SNTG1: variants seen among roughly 807,000 people sequenced by gnomAD.
SNTG1 encodes syntrophin gamma 1.
A neutral mutation model predicts 74.7 loss-of-function variants in SNTG1; 39 were observed. The ratio of observed to expected loss-of-function variants is 0.52; its 90% CI spans 0.40 to 0.68. The LOEUF (loss-of-function observed/expected upper bound fraction) is 0.68, where lower values mean the gene tolerates loss of function less well. SNTG1 is among the 30% of genes least tolerant of loss of function. SNTG1 has a pLI of 0.00. For synonymous variants in SNTG1, 254 were observed against 217.1 expected (o/e 1.17, Z -1.49); for missense variants, 685 against 609.5 (o/e 1.12, Z -1.30).
At chr8:50,792,650 C>T (rs747807222) in intron 18 of SNTG1, 21 bp from the exon 19 acceptor site, 2 of 1,588,806 alleles carry the variant, frequency 1.3e-6, no homozygotes, top group South Asian at 1.2e-5. Context: ...GTTATCTGAC[C>T]TGTTTCTCTT....
intron 2 of SNTG1, among the ~76,000 whole-genome samples, chr8:50,280,374 T>C (rs1350530781): frequency 1.3e-5 from 2 of 152,184 alleles, no homozygotes; most frequent in Non-Finnish European, 2.9e-5. Context: ...CTTTTGCAAT[T>C]TAAATGTCTC....
At chr8:50,305,644 G>T (rs550659367) in intron 2 of SNTG1, among the ~76,000 whole-genome samples, 2 of 150,968 alleles carry the variant, frequency 1.3e-5, no homozygotes, top group Non-Finnish European at 3.0e-5. Context: ...CACTATATAT[G>T]TGTTAGATCA....
At chr8:50,645,797 G>T (rs949239429) in intron 13 of SNTG1, among the ~76,000 whole-genome samples, 1 of 151,864 alleles carries the variant, frequency 6.6e-6, no homozygotes, top group Non-Finnish European at 1.5e-5. Flanking sequence ...CTCTAGGAGG[G>T]CTCAGAAATC....
intron 15 of SNTG1, among the ~76,000 whole-genome samples, chr8:50,677,067 C>T (rs1357122674): frequency 6.6e-6 from 1 of 151,862 alleles, no homozygotes; most frequent in African/African-American, 2.4e-5. Context: ...ATTATTTCCT[C>T]ATTAAAGTGA....
At chr8:50,116,904 T>TC (rs1178642487) in intron 1 of SNTG1, among the ~76,000 whole-genome samples, 5 of 151,840 alleles carry the variant, frequency 3.3e-5, no homozygotes, top group Non-Finnish European at 7.4e-5. Flanking sequence ...TGCAAAGGAG[T>TC]CAAAAAACAT....
chr8:50,741,894 G>A (rs1465125503), intron 17 of SNTG1, among the ~76,000 whole-genome samples: 1 of 151,952 alleles, frequency 6.6e-6, no homozygotes. Flanking sequence ...GACCACAGAG[G>A]ATTTCCAGGG....
chr8:50,474,045 G>T (rs1307508588), intron 8 of SNTG1, among the ~76,000 whole-genome samples: 1 of 151,938 alleles, frequency 6.6e-6, no homozygotes. Context: ...AGGTTTTAGA[G>T]TTGAAAACAT....
At chr8:50,382,762 C>T (rs2092510269) in intron 2 of SNTG1, among the ~76,000 whole-genome samples, 1 of 152,086 alleles carries the variant, frequency 6.6e-6, no homozygotes, top group Admixed American at 6.6e-5. Flanking sequence ...TCCGGACCAG[C>T]TGAAGCAGTA....
chr8:50,509,108 G>A (rs1340988166), intron 9 of SNTG1, among the ~76,000 whole-genome samples: 1 of 152,146 alleles, frequency 6.6e-6, no homozygotes, highest in Non-Finnish European at 1.5e-5. Context: ...TAAGGTTTAT[G>A]GAAGGGATCC....
At chr8:49,918,633 G>A (rs1355427522) in intron 1 of SNTG1, among the ~76,000 whole-genome samples, 4 of 151,112 alleles carry the variant, frequency 2.6e-5, no homozygotes, top group Non-Finnish European at 5.9e-5. Context: ...TATGTTCGGT[G>A]ATGTAAGTCC....
intron 2 of SNTG1, among the ~76,000 whole-genome samples, chr8:50,389,928 G>T (rs1163557742): frequency 6.6e-6 from 1 of 152,172 alleles, no homozygotes. Flanking sequence ...TGTTGATGGG[G>T]TTGTTTGTAT....
chr8:50,465,705 T>C (rs2093603603), intron 8 of SNTG1, among the ~76,000 whole-genome samples: 1 of 152,202 alleles, frequency 6.6e-6, no homozygotes, highest in Non-Finnish European at 1.5e-5. Context: ...TGTGAAAATC[T>C]AGCCTTTTTA....
At chr8:50,484,116 CTT>C in intron 8 of SNTG1, among the ~76,000 whole-genome samples, 2 of 109,666 alleles carry the variant, frequency 1.8e-5, no homozygotes, top group African/African-American at 6.7e-5. Flanking sequence ...TTCTTTCTTT[CTT>C]TCTTTCTTTC....
chr8:50,375,426 G>A (rs1379575001), intron 2 of SNTG1, among the ~76,000 whole-genome samples: 2 of 151,920 alleles, frequency 1.3e-5, no homozygotes, highest in African/African-American at 2.4e-5. Context: ...AAGCAGAAGA[G>A]ACAGTGATTC....
chr8:50,688,294 C>A (rs543542010), intron 15 of SNTG1, among the ~76,000 whole-genome samples: 15 of 152,246 alleles, frequency 9.9e-5, no homozygotes, highest in Non-Finnish European at 2.1e-4. Context: ...GCTTTTGTTG[C>A]CATTGCTTTT....
intron 15 of SNTG1, among the ~76,000 whole-genome samples, chr8:50,701,782 CTCT>C (rs1365633423): frequency 1.5e-4 from 19 of 130,272 alleles, no homozygotes; most frequent in Non-Finnish European, 2.2e-4. Flanking sequence ...CTTTCTCTTC[CTCT>C]TCCTCCTCCT....
At chr8:50,611,264 T>C (rs9298341) in intron 13 of SNTG1, among the ~76,000 whole-genome samples, 126,241 of 152,126 alleles carry the variant, frequency 0.83, 52,914 homozygotes, top group African/African-American at 0.94. Context: ...TCACTCTCCT[T>C]CTTCCCTTTG....
chr8:49,945,567 A>G (rs1218222861), intron 1 of SNTG1, among the ~76,000 whole-genome samples: 1 of 152,206 alleles, frequency 6.6e-6, no homozygotes, highest in African/African-American at 2.4e-5. Context: ...TTCACCAGCC[A>G]GCAGATGACC....
intron 1 of SNTG1, among the ~76,000 whole-genome samples, chr8:50,039,454 C>CAAAA (rs568678808): frequency 3.3e-4 from 15 of 46,152 alleles, no homozygotes; most frequent in East Asian, 6.4e-4. Flanking sequence ...GACTCCGTCT[C>CAAAA]AAAAAAAAAA....
Sources: allele counts gnomAD v4.1 joint callset (sites outside exome capture counted in the v4.1 genomes callset), GRCh38; gene constraint gnomAD v4.1.1; transcripts MANE v1.5; gene names NCBI Gene and HGNC (gene_info 2026-07-23, HGNC 2026-07-21).